Variants in TM2D3 observed in about 807,000 individuals in gnomAD.
TM2D3 encodes the protein TM2 domain containing 3.
TM2D3 carries 33 observed loss-of-function variants against 27.3 expected under a neutral mutation model. That is an observed-to-expected ratio of 1.21 (90% confidence interval 0.92 to 1.61). The LOEUF is 1.61. TM2D3 is among the 40% of genes most tolerant of loss of function. The probability of loss-of-function intolerance (pLI) is 0.00; values close to 1 mark genes in which losing one functional copy is unlikely to be tolerated. For missense variants in TM2D3, 364 were observed against 320.8 expected, an observed-to-expected ratio of 1.13 and a Z score of -1.03; for synonymous variants, 138 against 122.2, an observed-to-expected ratio of 1.13 and a Z score of -0.85.
intron 5 of TM2D3, among the ~76,000 whole-genome samples, chr15:101,643,622 AGC>A (rs138527962): frequency 3.0e-3 from 332 of 111,426 alleles, no homozygotes; most frequent in Middle Eastern, 5.0e-3. Context: ...AAAAAAAAAA[AGC>A]AAAAAAAAAA....
intron 3 of TM2D3, among the ~76,000 whole-genome samples, chr15:101,649,033 A>C (rs1481648648): frequency 1.3e-5 from 2 of 152,224 alleles, no homozygotes; most frequent in African/African-American, 4.8e-5. Context: ...ACTCAGAGTT[A>C]ATCAAATTAA....
intron 2 of TM2D3, 83 bp from the exon 3 acceptor site, chr15:101,650,244 G>T: frequency 7.2e-7 from 1 of 1,397,196 alleles, no homozygotes; most frequent in South Asian, 1.3e-5. Flanking sequence ...TAAGAGACGT[G>T]ATCATTAGCA....
At chr15:101,646,664 TC>T (rs1255887141) in intron 4 of TM2D3, 60 bp downstream of exon 4, 1 of 1,597,050 alleles carries the variant, frequency 6.3e-7, no homozygotes, top group African/African-American at 1.3e-5. Flanking sequence ...CTGGTTAAAG[TC>T]CCTTCAATAA....
intron 4 of TM2D3, chr15:101,634,907 C>T (rs1317304739): frequency 6.6e-6 from 1 of 152,068 alleles, no homozygotes; most frequent in Non-Finnish European, 1.5e-5. Flanking sequence ...GCCTGTAATC[C>T]CAGCAGTTTG....
intron 4 of TM2D3, 111 bp from the exon 5 acceptor site, chr15:101,645,273 C>T (rs1483311098): frequency 5.5e-5 from 47 of 855,394 alleles, no homozygotes; most frequent in South Asian, 3.9e-4. Flanking sequence ...ACTCTCTTTA[C>T]GGTAATACAT....
chr15:101,633,731 A>G (rs1468463655), intron 4 of TM2D3: 2 of 1,529,588 alleles, frequency 1.3e-6, no homozygotes, highest in African/African-American at 1.4e-5. Flanking sequence ...CCTGCAGACT[A>G]TACCCAAAAA....
At chr15:101,643,318 T>C (rs957630699) in intron 5 of TM2D3, among the ~76,000 whole-genome samples, 3 of 151,996 alleles carry the variant, frequency 2.0e-5, no homozygotes, top group Admixed American at 6.6e-5. Flanking sequence ...AAAGAAACCA[T>C]GTTGCCGGGC....
chr15:101,633,582 T>C (rs1402718194), exon 5 of TM2D3: 2 of 1,053,052 alleles, frequency 1.9e-6, no homozygotes, highest in African/African-American at 3.2e-5. Flanking sequence ...ACTGCTGTGG[T>C]TAGGGACGCT....
At chr15:101,646,484 T>A in intron 4 of TM2D3, 1 of 422,106 alleles carries the variant, frequency 2.4e-6, no homozygotes, top group Non-Finnish European at 4.4e-6. Flanking sequence ...TTACTGTGTA[T>A]TATGCTTTAT....
At chr15:101,650,588 GTTCTT>G (rs1483089823) in intron 2 of TM2D3, 1 of 153,300 alleles carries the variant, frequency 6.5e-6, no homozygotes, top group East Asian at 1.9e-4. Context: ...CCAATCCCGT[GTTCTT>G]TTCATCTGAA....
chr15:101,633,704 A>G (rs1363209825), exon 5 of TM2D3: 13 of 1,533,888 alleles, frequency 8.5e-6, no homozygotes, highest in Non-Finnish European at 1.0e-5. Flanking sequence ...TGAGCTGAAC[A>G]TGAAGCCCCA....
chr15:101,633,598 G>A, exon 5 of TM2D3: 1 of 1,233,422 alleles, frequency 8.1e-7, no homozygotes, highest in Non-Finnish European at 1.1e-6. Flanking sequence ...ACGCTCATCT[G>A]CAACAACACA....
Position 101,642,122 on chromosome 15 carries a change from TGAAA to T in TM2D3, c.*353_*356del. On this transcript the variant is annotated 3_prime_UTR_variant, in exon 6 of 6. Coordinates refer to ENST00000333202, the MANE Select transcript of TM2D3 (RefSeq NM_078474.3). ...CACTCCCACTTCCTGCAGTCACAGC[TGAAA>T]GACTTTTCAAGGCAGACTACATTTG... The T allele has an allele frequency of 1.0e-6, 1 of 995,158 alleles. No individual in the cohort carries two copies. Among genetic ancestry groups the T allele is most frequent in the Non-Finnish European group, 1.2e-6 (1 of 836,414 alleles). The allele number at this position is 995,158 out of a possible 1,614,324, so 61.6% of individuals were successfully genotyped here. A position where few individuals can be genotyped will look rare whatever the true frequency, so the allele number is the denominator to read the frequency against.
chr15:101,646,184 C>T (rs1241751207), intron 4 of TM2D3: 2 of 153,190 alleles, frequency 1.3e-5, no homozygotes, highest in Non-Finnish European at 2.9e-5. Flanking sequence ...AGAGAAGTCA[C>T]GTGGATGAAT....
At position 101,642,663 on chromosome 15, in the gene TM2D3, A is replaced by C. The variant is rs1163598296; in HGVS notation, c.579-19T>G. On this transcript the variant is annotated intron_variant, in intron 5 of 5. Transcript: ENST00000333202. The stretch of plus-strand genomic sequence containing the variant: ...GGTGATGCTGCGATGGCAAACAGAC[A>C]GGATTCCATGAGACCACCTCCACCC... 9 of 1,580,186 alleles carry C rather than the reference A, an allele frequency of 5.7e-6. No individual in the cohort carries two copies. The highest frequency in any genetic ancestry group is 1.8e-5 in the Admixed American group (1 of 56,328).
In TM2D3 at chr15:101,651,729, T is replaced by C; in HGVS notation, c.136A>G (p.Thr46Ala). 6.2e-7 allele frequency: 1 copy of C among 1,614,220 alleles called. No individual in the cohort carries two copies. Residue 46 changes from threonine to alanine, a missense_variant, in exon 2 of 6, where the codon ACA (threonine) becomes GCA (alanine). Coordinates refer to ENST00000333202, the MANE Select transcript of TM2D3 (RefSeq NM_078474.3). ...LAQSIKDPGP[T>A]RTFTVVPRAA... ...CTGGGAACTACTGTGAATGTGCGTG[T>C]TGGGCCCGGATCCTTTATTGACTGA...
intron 5 of TM2D3, among the ~76,000 whole-genome samples, chr15:101,644,785 TA>T (rs1458733723): frequency 6.6e-6 from 1 of 152,226 alleles, no homozygotes; most frequent in Non-Finnish European, 1.5e-5. Context: ...TACTTAAAAT[TA>T]AAGATATACA....
chr15:101,635,937 A>G (rs1481772914), intron 4 of TM2D3: 2 of 151,440 alleles, frequency 1.3e-5, no homozygotes, highest in African/African-American at 4.9e-5. Flanking sequence ...CCCTTCTATC[A>G]TATGTATGTG....
intron 5 of TM2D3, 124 bp from the exon 6 acceptor site, chr15:101,642,768 G>T: frequency 1.5e-6 from 1 of 670,012 alleles, no homozygotes; most frequent in Non-Finnish European, 2.2e-6. Flanking sequence ...GCCCTTAACT[G>T]GAACACAAGT....
Sources: gnomAD v4.1 joint callset for allele counts (sites outside exome capture counted in the v4.1 genomes callset) on GRCh38, gnomAD v4.1.1 for gene constraint, MANE v1.5 for transcripts, NCBI Gene and HGNC (gene_info 2026-07-23, HGNC 2026-07-21) for gene names.